COX18: variants seen among roughly 807,000 people sequenced by gnomAD.
The protein encoded by COX18 is cytochrome c oxidase assembly protein COX18, mitochondrial.
Under a neutral mutation model 38.0 loss-of-function variants are expected in COX18, and 45 were observed. That is an observed-to-expected ratio of 1.18 (90% CI 0.93 to 1.52). The LOEUF is 1.52. Ranked by LOEUF, COX18 falls within the 40% of genes most tolerant of loss-of-function variation. COX18 has a pLI of 0.00. For synonymous variants in COX18, 177 were observed against 169.8 expected (o/e 1.04, Z -0.33); for missense variants, 462 against 423.8 (o/e 1.09, Z -0.79).
At chr4:73,062,480 CTT>C (rs1188604046) in intron 4 of COX18, among the ~76,000 whole-genome samples, 1 of 152,136 alleles carries the variant, frequency 6.6e-6, no homozygotes, top group Non-Finnish European at 1.5e-5. Flanking sequence ...TCACAGGATT[CTT>C]CAAGCTCCAC....
At position 73,061,901 on chromosome 4, in the gene COX18, AT is replaced by A. The variant is rs866638264; in HGVS notation, c.742del (p.Ile248LeufsTer20). On this transcript the variant is annotated frameshift_variant, in exon 5 of 6. Transcript: ENST00000507544. LOFTEE classifies it high-confidence loss of function. ...LIVEICALQKIGMSRFQTYIT... is the reference protein window; with the variant it reads ...LIVEICALQKXGMSRFQTYIT... ...ATACGTCTGAAAACGAGACATTCCAATTTTTTGTAGAGCACAAATCTGAAGG... is the reference window on the plus strand; with the variant it reads ...ATACGTCTGAAAACGAGACATTCCAATTTTTGTAGAGCACAAATCTGAAGG... 3 of 1,609,742 alleles carry A rather than the reference AT, an allele frequency of 1.9e-6. No individual in the cohort carries two copies. Among genetic ancestry groups the A allele is most frequent in the African/African-American group, 1.3e-5 (1 of 74,794 alleles).
chr4:73,062,281 C>A (rs1720209070), intron 4 of COX18, among the ~76,000 whole-genome samples: 1 of 151,966 alleles, frequency 6.6e-6, no homozygotes, highest in Non-Finnish European at 1.5e-5. Flanking sequence ...TCACTCTAGT[C>A]CAGAAGTTTG....
intron 1 of COX18, chr4:73,068,452 C>T (rs1720581376): frequency 5.3e-6 from 1 of 189,450 alleles, no homozygotes; most frequent in South Asian, 8.7e-5. Flanking sequence ...CTTTACTGTT[C>T]CATCTCTACA....
intron 5 of COX18, among the ~76,000 whole-genome samples, chr4:73,059,797 GA>G (rs1372662480): frequency 2.6e-5 from 4 of 151,884 alleles, no homozygotes; most frequent in Middle Eastern, 3.2e-3. Context: ...TCCACCAAAA[GA>G]AAAAGAACCT....
At chr4:73,059,829 A>G (rs1453600452) in intron 5 of COX18, among the ~76,000 whole-genome samples, 2 of 152,200 alleles carry the variant, frequency 1.3e-5, no homozygotes, top group Admixed American at 6.5e-5. Flanking sequence ...ACAGCAGTCT[A>G]TAAGTTGCCA....
intron 2 of COX18, among the ~76,000 whole-genome samples, chr4:73,066,939 T>C (rs1203847713): frequency 1.3e-5 from 2 of 152,354 alleles, no homozygotes; most frequent in African/African-American, 4.8e-5. Context: ...CACAGATTGA[T>C]ACCACAAAGG....
At chr4:73,067,886 A>ATATATATATATATATATATATAT (rs59678976) in intron 2 of COX18, 143 bp downstream of exon 2, 1 of 48,646 alleles carries the variant, frequency 2.1e-5, no homozygotes, top group Non-Finnish European at 3.7e-5. Context: ...TATATATATA[A>ATATATATATATATATATATATAT]AAAAAGAAAT....
At chr4:73,067,838 T>A (rs1720524559) in intron 2 of COX18, among the ~76,000 whole-genome samples, 191 bp downstream of exon 2, 2 of 842 alleles carry the variant, frequency 2.4e-3, no homozygotes, top group Non-Finnish European at 4.4e-3. Flanking sequence ...CAAAACTCCG[T>A]CTCAAAAAAA....
Position 73,069,533 on chromosome 4 carries a change from T to G in COX18, c.117A>C (p.Pro39=). 1 of 1,579,162 alleles carries G rather than the reference T, an allele frequency of 6.3e-7. No homozygotes were observed. The highest frequency in any genetic ancestry group is 1.8e-5 in the Admixed American group (1 of 54,396). The change falls in exon 1 of 6, where the codon CCA becomes CCC. Residue 39 remains proline, a synonymous_variant. Coordinates refer to ENST00000507544, the MANE Select transcript of COX18 (RefSeq NM_001297732.2). ...PTSGAKRPTL[P]VWAVAPVSAV... ...CAGAGACTGGTGCCACTGCCCACAC[T>G]GGGAGAGTGGGGCGCTTGGCGCCGC...
rs375343362 is a variant in COX18 at position 73,060,646 on chromosome 4, C to T, written c.831+1167G>A. Among the ~76,000 whole-genome samples, 48 of 152,052 alleles carry T rather than the reference C, an allele frequency of 3.2e-4. No individual in the cohort carries two copies. The South Asian group carries it at 4.8e-3, about 15-fold the overall frequency. On this transcript the variant is annotated intron_variant, in intron 5 of 5. Coordinates refer to ENST00000507544, the MANE Select transcript of COX18 (RefSeq NM_001297732.2). ...CTGTAATCCCAGCACTTTGGGAGGC[C>T]GAGGCGGGTGGATCACCTGGGTCAG...
rs1465859397 is a variant in COX18 at position 73,057,743 on chromosome 4, C to G, written c.*371G>C. 1 of 157,560 alleles carries G rather than the reference C, an allele frequency of 6.3e-6. No homozygotes were observed. The highest frequency in any genetic ancestry group is 2.4e-5 in the African/African-American group (1 of 41,404). 9.8% of individuals were successfully genotyped at this position (157,560 alleles called of 1,614,324 possible). A position where few individuals can be genotyped will look rare whatever the true frequency, so the allele number is the denominator to read the frequency against. On this transcript the variant is annotated 3_prime_UTR_variant, in exon 6 of 6. Coordinates refer to ENST00000507544, the MANE Select transcript of COX18 (RefSeq NM_001297732.2). The stretch of plus-strand genomic sequence containing the variant: ...GGAGTGCAATGGGGTGATCTCAGCT[C>G]ACTGAAACCTCTGTATTCCAGGTTC...
Position 73,064,761 on chromosome 4 carries a change from C to G in COX18, c.723+17G>C. The G allele has an allele frequency of 2.5e-6, 4 of 1,609,812 alleles. No homozygotes were observed. Among genetic ancestry groups the G allele is most frequent in the Non-Finnish European group, 3.4e-6 (4 of 1,177,562 alleles). On this transcript the variant is annotated intron_variant, in intron 4 of 5. Coordinates refer to ENST00000507544, the MANE Select transcript of COX18 (RefSeq NM_001297732.2). ...ATCCCCATAAATGGCAAACAAATTT[C>G]ATTTAAAACTACTGACCTCCACTAT...
chr4:73,062,419 T>C (rs996602447), intron 4 of COX18, among the ~76,000 whole-genome samples: 1 of 152,114 alleles, frequency 6.6e-6, no homozygotes. Context: ...CGGAGGTTTT[T>C]TGACACTTTG....
chr4:73,069,185 A>AT, intron 1 of COX18, 132 bp downstream of exon 1: 1 of 669,134 alleles, frequency 1.5e-6, no homozygotes, highest in Non-Finnish European at 2.5e-6. Context: ...TCACAATGAA[A>AT]TGGTCACGAT....
At chr4:73,066,987 G>C (rs899869501) in intron 2 of COX18, among the ~76,000 whole-genome samples, 1 of 152,004 alleles carries the variant, frequency 6.6e-6, no homozygotes, top group African/African-American at 2.4e-5. Flanking sequence ...ATAATTTTTC[G>C]CAGTCTAGTA....
intron 5 of COX18, among the ~76,000 whole-genome samples, chr4:73,060,288 C>A (rs1185318502): frequency 2.0e-5 from 3 of 152,176 alleles, no homozygotes; most frequent in African/African-American, 7.2e-5. Flanking sequence ...CTCATTAAAA[C>A]TTAACTGCTC....
intron 2 of COX18, 75 bp downstream of exon 2, chr4:73,067,954 A>ATGTGTG (rs10610509): frequency 2.0e-5 from 12 of 597,444 alleles, no homozygotes; most frequent in Admixed American, 5.3e-5. Flanking sequence ...CAATTTATGT[A>ATGTGTG]TGTGTGTGTG....
intron 4 of COX18, 136 bp downstream of exon 4, chr4:73,064,641 TG>T: frequency 1.0e-6 from 1 of 981,018 alleles, no homozygotes; most frequent in Non-Finnish European, 1.5e-6. Flanking sequence ...ATGCCTGACG[TG>T]GAACCAGGAA....
At chr4:73,065,553 T>C (rs113955437) in intron 2 of COX18, 140 bp from the exon 3 acceptor site, 2 of 647,330 alleles carry the variant, frequency 3.1e-6, no homozygotes, top group African/African-American at 1.8e-5. Context: ...CACAGGCATG[T>C]TAAGGAGTTG....
Sources: allele counts gnomAD v4.1 joint callset (sites outside exome capture counted in the v4.1 genomes callset), GRCh38; gene constraint gnomAD v4.1.1; transcripts MANE v1.5; gene names NCBI Gene and HGNC (gene_info 2026-07-23, HGNC 2026-07-21).